KHDC1: variants seen among roughly 807,000 people sequenced by gnomAD.
KHDC1 encodes KH domain containing 1.
In KHDC1, 21 loss-of-function variants were observed where a neutral mutation model predicts 24.7. That is an observed-to-expected ratio of 0.85 (90% CI 0.60 to 1.23). The LOEUF (loss-of-function observed/expected upper bound fraction) is 1.23. Among genes scored for constraint, KHDC1 ranks in the 50% most tolerant of loss-of-function variants. KHDC1 has a pLI of 0.00. For synonymous variants in KHDC1, 98 were observed against 111.7 expected, an observed-to-expected ratio of 0.88 and a Z score of 0.77; for missense variants, 274 against 298.5, an observed-to-expected ratio of 0.92 and a Z score of 0.61.
chr6:73,255,251 G>A (rs1766860997), intron 2 of KHDC1, among the ~76,000 whole-genome samples: 3 of 124,682 alleles, frequency 2.4e-5, no homozygotes, highest in East Asian at 4.6e-4. Context: ...GGGGTCTCTC[G>A]CTCTGTCACC....
intron 2 of KHDC1, among the ~76,000 whole-genome samples, chr6:73,254,608 TAA>T (rs1038522773): frequency 3.3e-5 from 5 of 152,052 alleles, no homozygotes; most frequent in Non-Finnish European, 7.4e-5. Flanking sequence ...GGCAAGGTGC[TAA>T]AGAGTGTATT....
intron 2 of KHDC1, among the ~76,000 whole-genome samples, chr6:73,247,815 C>A (rs953378797): frequency 6.2e-5 from 9 of 144,318 alleles, no homozygotes; most frequent in Non-Finnish European, 1.3e-4. Flanking sequence ...GACATTGCAC[C>A]ACTGCACTCC....
chr6:73,241,644 C>T (rs750055770), exon 5 of KHDC1: 1 of 1,614,168 alleles, frequency 6.2e-7, no homozygotes, highest in Non-Finnish European at 8.5e-7. Context: ...AGACAGGTCT[C>T]CAGTGTATGG....
chr6:73,248,288 C>A (rs889177764), intron 2 of KHDC1, among the ~76,000 whole-genome samples: 5 of 152,026 alleles, frequency 3.3e-5, no homozygotes, highest in Admixed American at 3.3e-4. Context: ...CGTGGAGCAT[C>A]CCCCTTCCTG....
At chr6:73,276,020 G>C (rs1767289136) in intron 2 of KHDC1, 1 of 152,248 alleles carries the variant, frequency 6.6e-6, no homozygotes, top group African/African-American at 2.4e-5. Flanking sequence ...GTGAAACCCT[G>C]TCTCTACTAA....
intron 2 of KHDC1, among the ~76,000 whole-genome samples, 161 bp downstream of exon 1, chr6:73,262,613 C>T (rs767245491): frequency 8.7e-5 from 13 of 149,574 alleles, no homozygotes; most frequent in Non-Finnish European, 1.5e-4. Flanking sequence ...AATCAATTAA[C>T]AATAGAGGAA....
chr6:73,241,777 C>T (rs757519552), intron 4 of KHDC1, 49 bp from the exon 4 acceptor site: 1 of 1,596,266 alleles, frequency 6.3e-7, no homozygotes, highest in East Asian at 2.2e-5. Flanking sequence ...ATAACTGGGG[C>T]CCATTGGCAG....
At chr6:73,276,396 A>C (rs1767298888) in intron 2 of KHDC1, 8 of 152,180 alleles carry the variant, frequency 5.3e-5, no homozygotes, top group Admixed American at 5.2e-4. Flanking sequence ...CTGAGGCAGG[A>C]GAATCGCTTG....
chr6:73,267,510 T>G (rs115331668), intron 2 of KHDC1, among the ~76,000 whole-genome samples: 2,299 of 151,792 alleles, frequency 0.015, 25 homozygotes, highest in East Asian at 0.057. Flanking sequence ...AAAGAAAAAA[T>G]GGAAAAGACA....
At chr6:73,296,122 A>G (rs545428442) in intron 1 of KHDC1, among the ~76,000 whole-genome samples, 1 of 151,804 alleles carries the variant, frequency 6.6e-6, no homozygotes, top group Admixed American at 6.6e-5. Flanking sequence ...AGCCTGGGTG[A>G]TAGAGTGAGA....
chr6:73,294,090 C>A (rs894787360), intron 1 of KHDC1, among the ~76,000 whole-genome samples: 1 of 151,460 alleles, frequency 6.6e-6, no homozygotes, highest in African/African-American at 2.4e-5. Context: ...TTCAAGGTTG[C>A]CTGGGCAACA....
At chr6:73,266,958 G>A (rs1047298008) in intron 2 of KHDC1, among the ~76,000 whole-genome samples, 3 of 152,188 alleles carry the variant, frequency 2.0e-5, no homozygotes, top group Non-Finnish European at 4.4e-5. Flanking sequence ...GGAGGCTGAG[G>A]CAGGAGGATT....
chr6:73,302,949 C>T (rs907252605), intron 1 of KHDC1, among the ~76,000 whole-genome samples: 3 of 152,066 alleles, frequency 2.0e-5, no homozygotes, highest in East Asian at 1.9e-4. Context: ...TGATGGCGCA[C>T]GCCTGTAATC....
intron 1 of KHDC1, among the ~76,000 whole-genome samples, chr6:73,296,796 G>C (rs1484308344): frequency 6.6e-6 from 1 of 152,096 alleles, no homozygotes; most frequent in Non-Finnish European, 1.5e-5. Flanking sequence ...TGAATAGGTA[G>C]TATGCATTAC....
intron 2 of KHDC1, chr6:73,269,881 C>T (rs909707769): frequency 2.0e-5 from 3 of 152,176 alleles, no homozygotes; most frequent in African/African-American, 7.2e-5. Flanking sequence ...TATCTTCCCA[C>T]CTCAGTCTCC....
chr6:73,258,466 T>C (rs1766922813), intron 2 of KHDC1, among the ~76,000 whole-genome samples: 1 of 151,762 alleles, frequency 6.6e-6, no homozygotes, highest in Non-Finnish European at 1.5e-5. Flanking sequence ...AAAAGAAATA[T>C]CTAGAATAAG....
chr6:73,292,354 C>A, intron 1 of KHDC1: 1 of 823,834 alleles, frequency 1.2e-6, no homozygotes, highest in Non-Finnish European at 2.2e-6. Context: ...TAGATACATT[C>A]TACACATATG....
chr6:73,249,974 TAGTTTCTCTTGCATCCTACATG>T (rs1390564237), intron 2 of KHDC1, among the ~76,000 whole-genome samples: 1 of 152,182 alleles, frequency 6.6e-6, no homozygotes, highest in Non-Finnish European at 1.5e-5. Flanking sequence ...AAATAAAATA[TAGTTTCTCTTGCATCCTACATG>T]AGTTTCTCAA....
intron 2 of KHDC1, among the ~76,000 whole-genome samples, chr6:73,280,259 G>A (rs944379290): frequency 6.6e-6 from 1 of 152,094 alleles, no homozygotes; most frequent in Admixed American, 6.6e-5. Context: ...CCATGCTCAG[G>A]TGATCCTCCC....
Sources: allele counts gnomAD v4.1 joint callset (sites outside exome capture counted in the v4.1 genomes callset), GRCh38; gene constraint gnomAD v4.1.1; transcripts MANE v1.5; gene names NCBI Gene and HGNC (gene_info 2026-07-23, HGNC 2026-07-21).